Variants in SRSF4 observed in about 807,000 individuals in gnomAD.
The protein encoded by SRSF4 is serine and arginine rich splicing factor 4.
A neutral mutation model predicts 48.8 loss-of-function variants in SRSF4; 12 were observed. The observed-to-expected ratio is 0.25, with a 90% CI of 0.16 to 0.40. The LOEUF (loss-of-function observed/expected upper bound fraction) is 0.40, where lower values mean the gene tolerates loss of function less well. Ranked by LOEUF, SRSF4 falls within the 10% of genes least tolerant of loss-of-function variation. SRSF4 has a pLI of 1.00. For synonymous variants in SRSF4, 248 were observed against 232.5 expected, an observed-to-expected ratio of 1.07 and a Z score of -0.61; for missense variants, 466 against 667.1, an observed-to-expected ratio of 0.70 and a Z score of 3.32.
intron 1 of SRSF4, among the ~76,000 whole-genome samples, chr1:29,162,592 G>A (rs556957521): frequency 1.3e-5 from 2 of 152,290 alleles, no homozygotes; most frequent in Admixed American, 1.3e-4. Context: ...CAGCATCACT[G>A]CTTTTGGCAC....
chr1:29,181,865 G>GACGCAGCCGAACCCCGGCGACGT lies in SRSF4; in HGVS notation c.-136_-114dup, dbSNP rs1295469281. Reference sequence around the variant, plus strand: ...GCGGCAACGGGCGGGCGGCGGGACGGACGCAGCCGAACCCCGGCGACGTAC... The same window carrying GACGCAGCCGAACCCCGGCGACGT: ...GCGGCAACGGGCGGGCGGCGGGACGGACGCAGCCGAACCCCGGCGACGTACGCAGCCGAACCCCGGCGACGTAC... On this transcript the variant is annotated 5_prime_UTR_variant, in exon 1 of 6. Coordinates refer to ENST00000373795, the MANE Select transcript of SRSF4 (RefSeq NM_005626.5). 18 of 841,766 alleles carry GACGCAGCCGAACCCCGGCGACGT rather than the reference G, an allele frequency of 2.1e-5. No individual in the cohort carries two copies. Among genetic ancestry groups the GACGCAGCCGAACCCCGGCGACGT allele is most frequent in the East Asian group, 2.1e-4 (6 of 28,642 alleles). 52.1% of individuals were successfully genotyped at this position (841,766 alleles called of 1,614,324 possible).
intron 1 of SRSF4, among the ~76,000 whole-genome samples, chr1:29,175,694 C>CAAAAAAAA (rs60942124): frequency 0.017 from 649 of 38,570 alleles, 73 homozygotes; most frequent in East Asian, 0.068. Flanking sequence ...GACGCTGTCT[C>CAAAAAAAA]AAAAAAAAAA....
At chr1:29,179,347 CA>C (rs1200016627) in intron 1 of SRSF4, among the ~76,000 whole-genome samples, 2 of 151,890 alleles carry the variant, frequency 1.3e-5, no homozygotes, top group Non-Finnish European at 2.9e-5. Flanking sequence ...CATCAAAAAG[CA>C]AAAAAAGTCA....
chr1:29,169,146 T>C (rs955289175), intron 1 of SRSF4: 4 of 152,268 alleles, frequency 2.6e-5, no homozygotes, highest in African/African-American at 9.6e-5. Context: ...ACACACATTA[T>C]ATCCATTTAA....
intron 1 of SRSF4, among the ~76,000 whole-genome samples, chr1:29,164,861 C>T (rs1441428974): frequency 6.6e-6 from 1 of 152,314 alleles, no homozygotes; most frequent in East Asian, 1.9e-4. Flanking sequence ...AAACTCCTTT[C>T]TTTAATGTTT....
chr1:29,149,981 CTG>C (rs1672381259), intron 5 of SRSF4, 120 bp downstream of exon 5: 1 of 791,306 alleles, frequency 1.3e-6, no homozygotes, highest in South Asian at 1.6e-5. Flanking sequence ...TGAGCCATGA[CTG>C]TACCACTGGA....
At chr1:29,155,301 A>G (rs1401217196) in intron 3 of SRSF4, among the ~76,000 whole-genome samples, 2 of 152,026 alleles carry the variant, frequency 1.3e-5, no homozygotes, top group African/African-American at 4.8e-5. Context: ...GTAGTGGCAC[A>G]CGCCTGTGGT....
intron 3 of SRSF4, among the ~76,000 whole-genome samples, chr1:29,157,339 G>A (rs1672515946): frequency 6.6e-6 from 1 of 152,128 alleles, no homozygotes; most frequent in African/African-American, 2.4e-5. Context: ...AAAAAATTAA[G>A]AGGTTTTCTA....
chr1:29,148,713 C>T lies in SRSF4; in HGVS notation c.1182G>A (p.Lys394=), dbSNP rs767338087. 4 of 1,613,964 alleles carry T rather than the reference C, an allele frequency of 2.5e-6. No individual in the cohort carries two copies. The highest frequency in any genetic ancestry group is 3.4e-6 in the Non-Finnish European group (4 of 1,179,974). The change falls in exon 6 of 6, where the codon AAG becomes AAA. Residue 394 remains lysine (K), a synonymous_variant. Coordinates refer to ENST00000373795, the MANE Select transcript of SRSF4 (RefSeq NM_005626.5). ...GGGAGCGGTCAGTGTCTTCCTTCTTCTTCTTCTTGCTGCTGCCCGCCTTGC... is the reference window on the plus strand; with the variant it reads ...GGGAGCGGTCAGTGTCTTCCTTCTTTTTCTTCTTGCTGCTGCCCGCCTTGC... ...RDSKAGSSKK[K]KKEDTDRSQS... is the part of the protein sequence containing the mutation.
At chr1:29,163,287 A>G (rs548656170) in intron 1 of SRSF4, among the ~76,000 whole-genome samples, 3 of 152,336 alleles carry the variant, frequency 2.0e-5, no homozygotes, top group African/African-American at 7.2e-5. Flanking sequence ...CTGACTTGAG[A>G]TTAAATTTAT....
chr1:29,149,513 C>G (rs6663306), intron 5 of SRSF4, among the ~76,000 whole-genome samples: 1 of 151,982 alleles, frequency 6.6e-6, no homozygotes, highest in South Asian at 2.1e-4. Flanking sequence ...AGCCCCGTCT[C>G]TACTAAAAAT....
intron 1 of SRSF4, among the ~76,000 whole-genome samples, chr1:29,174,610 A>G (rs1410737454): frequency 2.6e-5 from 4 of 151,754 alleles, no homozygotes; most frequent in African/African-American, 9.7e-5. Context: ...GTATGATTCC[A>G]AGTTTGGAAA....
intron 2 of SRSF4, chr1:29,159,983 G>A (rs1185987043): frequency 5.3e-6 from 1 of 188,872 alleles, no homozygotes; most frequent in Non-Finnish European, 1.1e-5. Flanking sequence ...GGCCACAATG[G>A]TTCAAAGAGC....
intron 1 of SRSF4, among the ~76,000 whole-genome samples, chr1:29,177,655 A>G (rs1672890348): frequency 6.6e-6 from 1 of 152,104 alleles, no homozygotes; most frequent in Non-Finnish European, 1.5e-5. Context: ...AATGGTCTAT[A>G]TGATCCTGGG....
Position 29,181,669 on chromosome 1 carries a change from G to A in SRSF4, c.84C>T (p.Ile28=). The A allele has an allele frequency of 6.3e-7, 1 of 1,595,036 alleles. No homozygotes were observed. Among genetic ancestry groups the A allele is most frequent in the South Asian group, 1.1e-5 (1 of 88,724 alleles). Residue 28 remains isoleucine, a synonymous_variant, in exon 1 of 6, where the codon ATC becomes ATT. Coordinates refer to ENST00000373795, the MANE Select transcript of SRSF4 (RefSeq NM_005626.5). ...ACCCGTTCTTCAGATCCACCTCCAG[G>A]ATCTTCCCGTAGCCCTTAAAGAAGC... ...VERFFKGYGK[I]LEVDLKNGYG... is the part of the protein sequence containing the mutation.
chr1:29,150,096 G>A lies in SRSF4; in HGVS notation c.668+7C>T, dbSNP rs779649524. 3 of 1,555,216 alleles carry A rather than the reference G, an allele frequency of 1.9e-6. No homozygotes were observed. The highest frequency in any genetic ancestry group is 4.7e-5 in the East Asian group (2 of 42,504). ...GACCACCTCTACTTATAACATGGAA[G>A]ACATACCTGGACCGAGATCTACTCT... On this transcript the variant is annotated splice_region_variant and intron_variant, in intron 5 of 5. Transcript: ENST00000373795.
intron 3 of SRSF4, 26 bp downstream of exon 3, chr1:29,159,347 AC>A: frequency 6.4e-7 from 1 of 1,551,142 alleles, no homozygotes; most frequent in Non-Finnish European, 8.9e-7. Context: ...GCCCAACCTT[AC>A]CCCAAAAGGT....
At chr1:29,181,374 G>A (rs1001199949) in intron 1 of SRSF4, among the ~76,000 whole-genome samples, 9 of 152,334 alleles carry the variant, frequency 5.9e-5, no homozygotes, top group Non-Finnish European at 1.3e-4. Flanking sequence ...GTGCCCCCCT[G>A]CCCGGAGCAC....
At chr1:29,179,708 C>T (rs955831783) in intron 1 of SRSF4, among the ~76,000 whole-genome samples, 1 of 152,136 alleles carries the variant, frequency 6.6e-6, no homozygotes, top group African/African-American at 2.4e-5. Flanking sequence ...TTCTTCAAAG[C>T]CATTTCAACA....
Sources: allele counts gnomAD v4.1 joint callset (sites outside exome capture counted in the v4.1 genomes callset), GRCh38; gene constraint gnomAD v4.1.1; transcripts MANE v1.5; gene names NCBI Gene and HGNC (gene_info 2026-07-23, HGNC 2026-07-21).